The following TSNARE1 variants were observed in gnomAD, a reference collection of about 807,000 sequenced individuals.
The protein encoded by TSNARE1 is t-SNARE domain containing 1, also known as t-SNARE domain-containing protein 1.
TSNARE1 carries 49 observed loss-of-function variants against 62.0 expected under a neutral mutation model. The ratio of observed to expected loss-of-function variants is 0.79; its 90% CI spans 0.63 to 1.00. The LOEUF (loss-of-function observed/expected upper bound fraction) is 1.00, where lower values mean the gene tolerates loss of function less well. TSNARE1 is among the 50% of genes least tolerant of loss of function. The pLI is 0.00. For missense variants in TSNARE1, 755 were observed against 700.1 expected (o/e 1.08, Z -0.88); for synonymous variants, 328 against 294.4 (o/e 1.11, Z -1.17).
At chr8:142,275,511 A>G (rs1268955487) in intron 11 of TSNARE1, 15 of 985,314 alleles carry the variant, frequency 1.5e-5, no homozygotes, top group Non-Finnish European at 1.8e-5. Context: ...AGCCCCAGGG[A>G]TCCGGAAGAT....
intron 6 of TSNARE1, among the ~76,000 whole-genome samples, chr8:142,320,909 G>A (rs1161878744): frequency 3.3e-5 from 5 of 152,224 alleles, no homozygotes; most frequent in Non-Finnish European, 7.3e-5. Flanking sequence ...ATTAGTGCTG[G>A]AACGAAGGCA....
chr8:142,361,087 C>G (rs1311372854), intron 1 of TSNARE1, among the ~76,000 whole-genome samples: 1 of 152,364 alleles, frequency 6.6e-6, no homozygotes, highest in East Asian at 1.9e-4. Flanking sequence ...AGGCCCCACA[C>G]AGGTCGCACC....
rs1215688789 is a variant in TSNARE1, at chr8:142,331,651, T to C, written c.823+103A>G. The C allele has an allele frequency of 7.9e-6, 9 of 1,137,192 alleles. No individual in the cohort carries two copies. In the African/African-American group the frequency reaches 9.3e-5, roughly 12 times the overall value. The allele number at this position is 1,137,192 out of a possible 1,614,324, so 70.4% of individuals were successfully genotyped here. A position where few individuals can be genotyped will look rare whatever the true frequency, so the allele number is the denominator to read the frequency against. ...CGAAACCCGGGACTGCACCGCAGGA[T>C]GGCCTGAGGGGGGAAGCCATCCAGC... On this transcript the variant is annotated intron_variant, in intron 5 of 13. Transcript: ENST00000524325.
intron 13 of TSNARE1, among the ~76,000 whole-genome samples, chr8:142,222,468 TCATC>T (rs139149155): frequency 3.4e-4 from 47 of 136,938 alleles, no homozygotes; most frequent in Non-Finnish European, 4.6e-4. Flanking sequence ...ACTCATCCAC[TCATC>T]CACTCACTCA....
rs1469730563 is a variant in TSNARE1, at chr8:142,221,358, G to C, written c.*11+8115C>G. On this transcript the variant is annotated intron_variant, in intron 13 of 13. Transcript: ENST00000524325. ...GGCACATAACACAAAGGCCATGCCA[G>C]GAAGCACGCAAAGGTCCCGCCACAC... Among the ~76,000 whole-genome samples, 5 of 152,224 alleles carry C rather than the reference G, an allele frequency of 3.3e-5. No homozygotes were observed. In the South Asian group the frequency reaches 1.0e-3, roughly 32 times the overall value.
chr8:142,265,747 G>A (rs796349625), intron 12 of TSNARE1, among the ~76,000 whole-genome samples: 28 of 152,320 alleles, frequency 1.8e-4, no homozygotes, highest in African/African-American at 6.0e-4. Flanking sequence ...CCTCACCCCC[G>A]TGCCTCTTGG....
chr8:142,303,359 C>T (rs1391449234), intron 9 of TSNARE1, among the ~76,000 whole-genome samples: 1 of 152,162 alleles, frequency 6.6e-6, no homozygotes, highest in Non-Finnish European at 1.5e-5. Context: ...TCCCAAAAAC[C>T]GCCCAGCCTG....
At chr8:142,338,837 C>T (rs574626015) in intron 4 of TSNARE1, among the ~76,000 whole-genome samples, 68 of 152,298 alleles carry the variant, frequency 4.5e-4, no homozygotes, top group South Asian at 1.0e-3. Context: ...GGTGTGTGCC[C>T]GAGTCCATAT....
rs1482133825 is a variant in TSNARE1, at chr8:142,291,346, C to G, written c.1291-6861G>C. The stretch of plus-strand genomic sequence containing the variant: ...TGTGTGACCCTGGGCAAGCGATGGG[C>G]CTGCTCCAAGCCACCGTCATCTCTG... On this transcript the variant is annotated intron_variant, in intron 10 of 13. Coordinates refer to ENST00000524325, the MANE Select transcript of TSNARE1 (RefSeq NM_145003.5). This position sits in a 1 kb window ranked among gnomAD's most constrained non-coding sequence, Gnocchi z 4.8. Among the ~76,000 whole-genome samples the G allele has an allele frequency of 2.0e-5, 3 of 152,100 alleles. No homozygotes were observed. The highest frequency in any genetic ancestry group is 4.4e-5 in the Non-Finnish European group (3 of 68,038).
At chr8:142,376,695 G>A (rs772564434) in intron 1 of TSNARE1, among the ~76,000 whole-genome samples, 1 of 152,216 alleles carries the variant, frequency 6.6e-6, no homozygotes, top group East Asian at 1.9e-4. Context: ...AAGGTGTCAG[G>A]CAGAGAGACA....
intron 4 of TSNARE1, among the ~76,000 whole-genome samples, chr8:142,333,966 C>T (rs893871975): frequency 2.0e-5 from 3 of 150,884 alleles, no homozygotes; most frequent in East Asian, 2.0e-4. Flanking sequence ...AGTAGAACAA[C>T]GAGAATGAGG....
chr8:142,282,314 G>A (rs1027531675), intron 11 of TSNARE1, among the ~76,000 whole-genome samples: 1 of 152,248 alleles, frequency 6.6e-6, no homozygotes, highest in African/African-American at 2.4e-5. Context: ...CCTCACTGTG[G>A]GGAATCTCTG....
intron 5 of TSNARE1, 36 bp from the exon 6 acceptor site, chr8:142,331,006 G>GGAGCTT: frequency 6.3e-7 from 1 of 1,596,838 alleles, no homozygotes; most frequent in Non-Finnish European, 8.6e-7. Flanking sequence ...GAGGGCAGAA[G>GGAGCTT]GAGCTTCCCT....
intron 1 of TSNARE1, among the ~76,000 whole-genome samples, chr8:142,371,960 G>C (rs1268567447): frequency 6.6e-6 from 1 of 152,124 alleles, no homozygotes; most frequent in Admixed American, 6.5e-5. Flanking sequence ...TCTAAAGCCG[G>C]AGAACACCAA....
At chr8:142,302,502 T>G (rs1013253938) in intron 9 of TSNARE1, among the ~76,000 whole-genome samples, 14 of 152,022 alleles carry the variant, frequency 9.2e-5, no homozygotes, top group Non-Finnish European at 8.8e-5. Flanking sequence ...GGATGGGGGC[T>G]GCCCAGCTCA....
At chr8:142,400,894 G>A (rs1049441889) in intron 1 of TSNARE1, among the ~76,000 whole-genome samples, 1 of 152,336 alleles carries the variant, frequency 6.6e-6, no homozygotes, top group East Asian at 1.9e-4. Context: ...GGGTGACTGT[G>A]AGAGTAAACT....
chr8:142,218,151 TGTGTGGCCAGGGTCAGGCCTCA>T (rs1816021698), intron 13 of TSNARE1, among the ~76,000 whole-genome samples: 4 of 59,876 alleles, frequency 6.7e-5, no homozygotes, highest in African/African-American at 2.6e-4. Context: ...TCAGGCTCAG[TGTGTGGCCAGGGTCAGGCCTCA>T]GTGTGACCAG....
intron 1 of TSNARE1, among the ~76,000 whole-genome samples, chr8:142,380,822 CTGAGT>C (rs751008684): frequency 2.6e-5 from 4 of 152,116 alleles, no homozygotes; most frequent in Non-Finnish European, 5.9e-5. Flanking sequence ...CAGGCGTGGT[CTGAGT>C]TTTCTACAAG....
At chr8:142,242,329 A>G (rs1305149117) in intron 12 of TSNARE1, among the ~76,000 whole-genome samples, 1 of 152,260 alleles carries the variant, frequency 6.6e-6, no homozygotes, top group African/African-American at 2.4e-5. Context: ...AAACATAGGG[A>G]GAACTTTTCT....
Sources: allele counts gnomAD v4.1 joint callset (sites outside exome capture counted in the v4.1 genomes callset), GRCh38; gene constraint gnomAD v4.1.1; non-coding constraint Gnocchi (gnomAD v3.1); transcripts MANE v1.5; gene names NCBI Gene and HGNC (gene_info 2026-07-23, HGNC 2026-07-21).